NDST4: variants seen among roughly 807,000 people sequenced by gnomAD.
NDST4 encodes the protein N-deacetylase and N-sulfotransferase 4.
NDST4 carries 63 observed loss-of-function variants against 100.8 expected under a neutral mutation model. The observed-to-expected ratio is 0.62, with a 90% confidence interval of 0.51 to 0.77. NDST4 has a LOEUF of 0.77. NDST4 is among the 30% of genes least tolerant of loss of function. The probability of loss-of-function intolerance (pLI) is 0.00; values close to 1 mark genes in which losing one functional copy is unlikely to be tolerated. For missense variants in NDST4, 943 were observed against 1,018.4 expected (o/e 0.93, Z 1.01); for synonymous variants, 377 against 361.8 (o/e 1.04, Z -0.48).
At chr4:115,106,653 C>A (rs1729839058) in intron 1 of NDST4, among the ~76,000 whole-genome samples, 1 of 152,042 alleles carries the variant, frequency 6.6e-6, no homozygotes, top group African/African-American at 2.4e-5. Context: ...AGTACAGAAA[C>A]AATCATCTAT....
intron 1 of NDST4, among the ~76,000 whole-genome samples, chr4:115,082,091 G>A (rs1729316978): frequency 6.6e-6 from 1 of 152,094 alleles, no homozygotes; most frequent in Non-Finnish European, 1.5e-5. Context: ...AGAAAAAAAG[G>A]GAGGCTTTTG....
chr4:115,039,411 T>C (rs766161327), intron 2 of NDST4, among the ~76,000 whole-genome samples: 10 of 151,462 alleles, frequency 6.6e-5, no homozygotes, highest in Non-Finnish European at 1.2e-4. Flanking sequence ...AACAGAAGTT[T>C]CCAGTGTGGA....
intron 2 of NDST4, among the ~76,000 whole-genome samples, chr4:115,024,281 A>G (rs534287607): frequency 6.6e-6 from 1 of 152,234 alleles, no homozygotes; most frequent in Non-Finnish European, 1.5e-5. Context: ...AGTTACCATC[A>G]TGCAGCTTCA....
At chr4:114,849,153 T>C (rs1266046500) in intron 8 of NDST4, among the ~76,000 whole-genome samples, 3 of 152,226 alleles carry the variant, frequency 2.0e-5, no homozygotes, top group Non-Finnish European at 4.4e-5. Flanking sequence ...GACTGGCTGA[T>C]AGAAACCACC....
chr4:115,038,875 C>T (rs959804400), intron 2 of NDST4, among the ~76,000 whole-genome samples: 5 of 152,016 alleles, frequency 3.3e-5, no homozygotes, highest in Non-Finnish European at 7.4e-5. Flanking sequence ...GTTCAGGAGG[C>T]TGAGTGTGTT....
chr4:114,911,297 AT>A (rs148457777), intron 6 of NDST4, among the ~76,000 whole-genome samples: 5,320 of 152,204 alleles, frequency 0.035, 141 homozygotes, highest in Middle Eastern at 0.082. Flanking sequence ...ATGCCAAACA[AT>A]TCTACCCCAG....
At chr4:115,079,798 T>C (rs746490708) in intron 1 of NDST4, among the ~76,000 whole-genome samples, 7 of 152,184 alleles carry the variant, frequency 4.6e-5, no homozygotes, top group African/African-American at 2.4e-5. Flanking sequence ...TAGTTAAACA[T>C]TGCAAAATTA....
intron 6 of NDST4, among the ~76,000 whole-genome samples, chr4:114,884,580 C>T (rs928629026): frequency 1.3e-5 from 2 of 152,060 alleles, no homozygotes; most frequent in East Asian, 1.9e-4. Flanking sequence ...TGTCTAAACA[C>T]CTCAACAGAC....
chr4:114,968,055 T>G (rs1007227320), intron 4 of NDST4, among the ~76,000 whole-genome samples: 3 of 152,164 alleles, frequency 2.0e-5, no homozygotes, highest in Non-Finnish European at 2.9e-5. Context: ...AAACAGATAA[T>G]CTGGTGCCTG....
rs545182970 is a variant in NDST4, at chr4:114,880,903, G to A, written c.1537-9953C>T. 3.3e-5 allele frequency among the ~76,000 whole-genome samples: 5 copies of A among 152,224 alleles called. No individual in the cohort carries two copies. The East Asian group carries it at 5.8e-4, about 18-fold the overall frequency. On this transcript the variant is annotated intron_variant, in intron 6 of 13. Transcript: ENST00000264363. ...TGAAGGATGAGTAGAGAATCTTCAC[G>A]TGAGACAATGGGTTGGAGTAGGAGC...
chr4:115,034,558 T>C (rs551129916), intron 2 of NDST4, among the ~76,000 whole-genome samples: 2 of 152,246 alleles, frequency 1.3e-5, no homozygotes, highest in Non-Finnish European at 2.9e-5. Flanking sequence ...AGTTTAAATA[T>C]GTAGGAATCA....
At chr4:114,889,544 C>T (rs1724548650) in intron 6 of NDST4, among the ~76,000 whole-genome samples, 2 of 152,050 alleles carry the variant, frequency 1.3e-5, no homozygotes, top group South Asian at 4.1e-4. Flanking sequence ...TGAGGTTAAG[C>T]CATATTTGGA....
intron 2 of NDST4, among the ~76,000 whole-genome samples, chr4:115,017,033 G>A (rs1471084896): frequency 6.6e-6 from 1 of 151,396 alleles, no homozygotes; most frequent in Non-Finnish European, 1.5e-5. Context: ...ATTCAAATTA[G>A]GAAAGAGTTT....
chr4:115,088,147 G>C (rs1177488949), intron 1 of NDST4, among the ~76,000 whole-genome samples: 4 of 151,562 alleles, frequency 2.6e-5, no homozygotes, highest in Admixed American at 1.3e-4. Context: ...CCTCTCCCTA[G>C]CTCCACAATC....
chr4:115,085,217 C>T (rs1729386703), intron 1 of NDST4, among the ~76,000 whole-genome samples: 1 of 152,136 alleles, frequency 6.6e-6, no homozygotes. Context: ...GTCAAAGTCT[C>T]CCATTTGGAA....
At chr4:115,005,768 GA>G (rs990658718) in intron 2 of NDST4, among the ~76,000 whole-genome samples, 4 of 152,042 alleles carry the variant, frequency 2.6e-5, no homozygotes, top group African/African-American at 9.6e-5. Context: ...GGGCAATCCA[GA>G]AAAAATAAAA....
At chr4:114,941,428 T>C (rs1218886832) in intron 4 of NDST4, among the ~76,000 whole-genome samples, 1 of 151,374 alleles carries the variant, frequency 6.6e-6, no homozygotes, top group Non-Finnish European at 1.5e-5. Flanking sequence ...TCCTGTTCAC[T>C]TTTTTTTTGT....
chr4:115,063,773 C>T (rs935761840), intron 2 of NDST4, among the ~76,000 whole-genome samples: 1 of 151,922 alleles, frequency 6.6e-6, no homozygotes, highest in Non-Finnish European at 1.5e-5. Flanking sequence ...TTTAAGGACT[C>T]TTATAAAAGA....
intron 6 of NDST4, among the ~76,000 whole-genome samples, chr4:114,909,656 C>A (rs1450103929): frequency 7.0e-5 from 8 of 114,412 alleles, no homozygotes; most frequent in Non-Finnish European, 9.9e-5. Context: ...GGCGACAGAG[C>A]GAGACTCCGT....
Sources: gnomAD v4.1 joint callset for allele counts (sites outside exome capture counted in the v4.1 genomes callset) on GRCh38, gnomAD v4.1.1 for gene constraint, MANE v1.5 for transcripts, NCBI Gene and HGNC (gene_info 2026-07-23, HGNC 2026-07-21) for gene names.